TRPM3: variants seen among roughly 807,000 people sequenced by gnomAD.
TRPM3 encodes the protein long transient receptor potential channel 3.
TRPM3 carries 77 observed loss-of-function variants against 181.2 expected under a neutral mutation model. The observed-to-expected ratio is 0.42, with a 90% CI of 0.35 to 0.51. The LOEUF is 0.51. Ranked by LOEUF, TRPM3 falls within the 20% of genes least tolerant of loss-of-function variation. TRPM3 has a pLI of 0.01. For synonymous variants in TRPM3, 745 were observed against 796.4 expected, an observed-to-expected ratio of 0.94 and a Z score of 1.09; for missense variants, 1,759 against 2,196.7, an observed-to-expected ratio of 0.80 and a Z score of 3.98.
Position 70,940,149 on chromosome 9 carries a change from GCC to G in TRPM3, c.178-75640_178-75639del, listed in dbSNP as rs1172813602. On this transcript the variant is annotated intron_variant, in intron 1 of 25. Transcript: ENST00000677713. ...AACAATAATCAGAATTTATGTGCCA[GCC>G]TCTGTTAGAAGCACAAAATATGTGT... Among the ~76,000 whole-genome samples the G allele has an allele frequency of 4.6e-5, 7 of 152,264 alleles. No homozygotes were observed. In the East Asian group the frequency reaches 1.4e-3, roughly 29 times the overall value.
chr9:71,298,820 T>G (rs2086524889), intron 1 of TRPM3, among the ~76,000 whole-genome samples: 1 of 152,120 alleles, frequency 6.6e-6, no homozygotes, highest in South Asian at 2.1e-4. Context: ...TCTCAGTATT[T>G]TTATGAAACC....
intron 1 of TRPM3, among the ~76,000 whole-genome samples, chr9:71,282,102 A>AACG (rs1565417808): frequency 1.0e-4 from 6 of 59,618 alleles, no homozygotes; most frequent in South Asian, 5.6e-4. Flanking sequence ...AGAAAGAAAG[A>AACG]AAAGAAAGAA....
At chr9:71,227,830 C>G (rs1588048646) in intron 1 of TRPM3, among the ~76,000 whole-genome samples, 2 of 151,974 alleles carry the variant, frequency 1.3e-5, no homozygotes, top group African/African-American at 4.8e-5. Flanking sequence ...GTAACAAGAC[C>G]AAGGCCATAA....
intron 9 of TRPM3, among the ~76,000 whole-genome samples, chr9:70,653,896 T>C (rs1445451664): frequency 6.6e-6 from 1 of 152,094 alleles, no homozygotes; most frequent in African/African-American, 2.4e-5. Context: ...CATGGGTGGA[T>C]TCTTCTTAGT....
chr9:70,924,084 T>C (rs960950400), intron 1 of TRPM3, among the ~76,000 whole-genome samples: 1 of 151,910 alleles, frequency 6.6e-6, no homozygotes, highest in Non-Finnish European at 1.5e-5. Flanking sequence ...TCTAGGACAT[T>C]TGGCAATGTC....
At chr9:70,604,335 G>T (rs2060612547) in intron 19 of TRPM3, among the ~76,000 whole-genome samples, 1 of 152,196 alleles carries the variant, frequency 6.6e-6, no homozygotes, top group Non-Finnish European at 1.5e-5. Context: ...GAGGAGCCTT[G>T]AGAGAAGACT....
rs1414329972 is a variant in TRPM3 at position 70,848,837 on chromosome 9, C to T, written c.463-2246G>A. Among the ~76,000 whole-genome samples, 5 of 86,880 alleles carry T rather than the reference C, an allele frequency of 5.8e-5. 2 individuals are homozygous for T. The highest frequency in any genetic ancestry group is 1.2e-4 in the Non-Finnish European group (5 of 40,628). The allele number at this position is 86,880 out of a possible 152,430, so 57.0% of individuals were successfully genotyped here. On this transcript the variant is annotated intron_variant, in intron 3 of 25. Transcript: ENST00000677713. ...CTAAAAATACAAAAAATTAGCCGGGCGTGGTAGCGGGCGCCTGTAGTCCCA... is the reference window on the plus strand; with the variant it reads ...CTAAAAATACAAAAAATTAGCCGGGTGTGGTAGCGGGCGCCTGTAGTCCCA...
chr9:71,090,265 G>C (rs1176911651), intron 1 of TRPM3, among the ~76,000 whole-genome samples: 1 of 152,164 alleles, frequency 6.6e-6, no homozygotes, highest in Non-Finnish European at 1.5e-5. Flanking sequence ...TAAAGTAGTG[G>C]AGAAGCATTA....
chr9:70,639,281 G>C, intron 10 of TRPM3, 87 bp from the exon 11 acceptor site: 1 of 1,450,370 alleles, frequency 6.9e-7, no homozygotes, highest in Non-Finnish European at 9.4e-7. Flanking sequence ...CTTAGAAATG[G>C]ATGCCTTTGA....
chr9:71,370,317 T>C (rs746952781), intron 1 of TRPM3, among the ~76,000 whole-genome samples: 10 of 152,196 alleles, frequency 6.6e-5, no homozygotes, highest in African/African-American at 1.7e-4. Context: ...AAAGCTAAGA[T>C]AGGCCAAAAG....
chr9:71,178,936 T>C (rs923117743), intron 1 of TRPM3, among the ~76,000 whole-genome samples: 1 of 152,204 alleles, frequency 6.6e-6, no homozygotes, highest in East Asian at 1.9e-4. Context: ...CCAGCCACCA[T>C]AGAACTTAGA....
At chr9:70,905,886 C>T (rs150336633) in intron 1 of TRPM3, among the ~76,000 whole-genome samples, 5 of 152,046 alleles carry the variant, frequency 3.3e-5, no homozygotes, top group Non-Finnish European at 5.9e-5. Context: ...TACAGATGTA[C>T]GTCAAAATGC....
At chr9:71,200,456 T>C (rs1161358747) in intron 1 of TRPM3, among the ~76,000 whole-genome samples, 2 of 150,710 alleles carry the variant, frequency 1.3e-5, no homozygotes, top group Non-Finnish European at 3.0e-5. Flanking sequence ...TTGATCTGTC[T>C]AAAGTTGACA....
chr9:70,754,854 T>G (rs1000668234), intron 8 of TRPM3, among the ~76,000 whole-genome samples: 29 of 152,010 alleles, frequency 1.9e-4, no homozygotes, highest in African/African-American at 5.8e-4. Context: ...GCCTAATGAG[T>G]AGAAAACACG....
intron 1 of TRPM3, among the ~76,000 whole-genome samples, chr9:71,252,119 C>A (rs1028769212): frequency 1.3e-5 from 2 of 152,102 alleles, no homozygotes; most frequent in Non-Finnish European, 2.9e-5. Context: ...CAAATCCTGG[C>A]TATTGTGAAT....
intron 6 of TRPM3, chr9:70,811,347 T>C (rs914256149): frequency 7.2e-6 from 7 of 976,746 alleles, no homozygotes; most frequent in Non-Finnish European, 1.1e-5. Flanking sequence ...ATATACGTGA[T>C]GGCAACTCAA....
chr9:70,867,333 C>T (rs1427390843), intron 1 of TRPM3, among the ~76,000 whole-genome samples: 1 of 152,074 alleles, frequency 6.6e-6, no homozygotes, highest in Non-Finnish European at 1.5e-5. Flanking sequence ...CCTTATTTCT[C>T]TTGCTCATGG....
intron 1 of TRPM3, among the ~76,000 whole-genome samples, chr9:71,220,181 A>G (rs1471537580): frequency 1.3e-5 from 2 of 152,196 alleles, no homozygotes; most frequent in African/African-American, 2.4e-5. Context: ...AAAAGAGTCA[A>G]TTGTAGTTTA....
upstream of TRPM3, among the ~76,000 whole-genome samples, chr9:71,122,200 T>C (rs2073726733): frequency 6.6e-6 from 1 of 152,230 alleles, no homozygotes; most frequent in African/African-American, 2.4e-5. Context: ...TGGGATGCTG[T>C]CTATAAAGAA....
Sources: allele counts gnomAD v4.1 joint callset (sites outside exome capture counted in the v4.1 genomes callset), GRCh38; gene constraint gnomAD v4.1.1; transcripts MANE v1.5; gene names NCBI Gene and HGNC (gene_info 2026-07-23, HGNC 2026-07-21).